Variants in TMEM200C observed in about 807,000 individuals in gnomAD.
TMEM200C encodes transmembrane protein TTMA.
For synonymous variants in TMEM200C, 462 were observed against 324.7 expected, an observed-to-expected ratio of 1.42 and a Z score of -4.55; for missense variants, 966 against 699.9, an observed-to-expected ratio of 1.38 and a Z score of -4.29.
exon 3 of TMEM200C, chr18:5,883,065 A>C (rs2095162902): frequency 6.6e-6 from 1 of 152,108 alleles, no homozygotes; most frequent in Admixed American, 6.6e-5. Context: ...TTACCAATAG[A>C]TATAACCTTA....
exon 3 of TMEM200C, chr18:5,885,496 T>G (rs1297965316): frequency 6.6e-6 from 1 of 152,202 alleles, no homozygotes; most frequent in Non-Finnish European, 1.5e-5. Context: ...GTGGTGGAAA[T>G]CCTGAAATGC....
chr18:5,885,192 G>A (rs1277958161), exon 3 of TMEM200C: 1 of 151,446 alleles, frequency 6.6e-6, no homozygotes, highest in Admixed American at 6.6e-5. Context: ...TTTTCTTTCG[G>A]CAGGATGCTC....
intron 1 of TMEM200C, chr18:5,895,489 C>A (rs1179766662): frequency 6.7e-6 from 1 of 149,460 alleles, no homozygotes; most frequent in Non-Finnish European, 1.5e-5. Flanking sequence ...TGCTAAGAGA[C>A]CGGAGCCATG....
rs910661776 is a variant in TMEM200C, at chr18:5,890,619, G to C, written c.1445C>G (p.Pro482Arg). ...CGGGGAGGGCGGGGGCTCGGGGGAC[G>C]GCGGCGCCCGGTAGTCCGGGAGCCC... Residue 482 changes from proline to arginine, a missense_variant, in exon 3 of 3, where the codon CCG (proline) becomes CGG (arginine). Physicochemically the swap from Pro to Arg is moderately radical, Grantham distance 103. Coordinates refer to ENST00000581347, the Ensembl canonical transcript of TMEM200C. The C allele has an allele frequency of 1.2e-5, 12 of 1,001,970 alleles. No homozygotes were observed. The East Asian group carries it at 2.9e-4, about 25-fold the overall frequency. 62.1% of individuals were successfully genotyped at this position (1,001,970 alleles called of 1,614,324 possible).
exon 3 of TMEM200C, chr18:5,892,041 A>C: frequency 1.9e-6 from 3 of 1,613,530 alleles, no homozygotes; most frequent in Non-Finnish European, 2.5e-6. Context: ...GGAAATCCTT[A>C]GCAGGCCGCC....
chr18:5,892,283 C>A, intron 2 of TMEM200C, 126 bp from the exon 2 acceptor site: 1 of 594,000 alleles, frequency 1.7e-6, no homozygotes, highest in Non-Finnish European at 3.0e-6. Flanking sequence ...TATCCACTAA[C>A]TGAAACAAGG....
At position 5,892,111 on chromosome 18, in the gene TMEM200C, C is replaced by T; in HGVS notation, c.-48G>A. On this transcript the variant is annotated 5_prime_UTR_variant, in exon 3 of 3. It adds an upstream start codon to the 5' untranslated region. Coordinates refer to ENST00000581347, the Ensembl canonical transcript of TMEM200C. ...CTAGCCTCTGGGATGGAGGCTTGCA[C>T]AGGGAGGGCGCCAACTGCCCACTAG... is the stretch of plus-strand genomic sequence containing the variant. 2 of 1,546,614 alleles carry T rather than the reference C, an allele frequency of 1.3e-6. No homozygotes were observed. Among genetic ancestry groups the T allele is most frequent in the Non-Finnish European group, 1.8e-6 (2 of 1,141,578 alleles).
rs2095169580 is a variant in TMEM200C, at chr18:5,890,691, AG to A, written c.1372del (p.Leu458CysfsTer97). 1 of 518,010 alleles carries A rather than the reference AG, an allele frequency of 1.9e-6. No individual in the cohort carries two copies. The highest frequency in any genetic ancestry group is 5.3e-5 in the South Asian group (1 of 18,794). 32.1% of individuals were successfully genotyped at this position (518,010 alleles called of 1,614,324 possible). A position where few individuals can be genotyped will look rare whatever the true frequency, so the allele number is the denominator to read the frequency against. On this transcript the variant is annotated frameshift_variant, in exon 3 of 3. Transcript: ENST00000581347. LOFTEE classifies it low-confidence loss of function (END_TRUNC). ...GGCCGCGTACCTGCCGGTCCTGGGC[AG>A]GCGGCCGCCCTGCCCCCTGGCGGCG...
intron 2 of TMEM200C, among the ~76,000 whole-genome samples, chr18:5,894,318 A>G (rs2095173920): frequency 6.6e-6 from 1 of 152,196 alleles, no homozygotes; most frequent in South Asian, 2.1e-4. Flanking sequence ...GCTAGTAATT[A>G]ACTCCCTCGT....
Position 5,890,716 on chromosome 18 carries a change from C to G in TMEM200C, c.1348G>C (p.Ala450Pro), listed in dbSNP as rs1171637781. The G allele has an allele frequency of 9.8e-6, 5 of 511,616 alleles. No individual in the cohort carries two copies. The East Asian group carries it at 1.4e-4, about 14-fold the overall frequency. The allele number at this position is 511,616 out of a possible 1,614,324, so 31.7% of individuals were successfully genotyped here. A position where few individuals can be genotyped will look rare whatever the true frequency, so the allele number is the denominator to read the frequency against. ...AGGCGGCCGCCCTGCCCCCTGGCGG[C>G]GCGCGCCGCTACCGCGCCCTCGGGC... The change falls in exon 3 of 3, where the codon GCC becomes CCC. Residue 450 changes from alanine (A) to proline (P), a missense_variant. Ala to Pro is a conservative substitution (Grantham distance 27). Coordinates refer to ENST00000581347, the Ensembl canonical transcript of TMEM200C.
chr18:5,890,164 T>C, exon 3 of TMEM200C: 7 of 1,487,920 alleles, frequency 4.7e-6, no homozygotes, highest in Non-Finnish European at 6.3e-6. Flanking sequence ...TTTCTCCCAT[T>C]TTCTCTTTCC....
At position 5,891,575 on chromosome 18, in the gene TMEM200C, G is replaced by A. The variant is rs766548528; in HGVS notation, c.489C>T (p.Asp163=). 6.6e-5 allele frequency: 106 copies of A among 1,613,842 alleles called. No homozygotes were observed. Among genetic ancestry groups the A allele is most frequent in the East Asian group, 8.9e-5 (4 of 44,850 alleles). ...TGAGGGGCCCGAAGACCTTGAGCTT[G>A]TCAGAGTGCAGGTAGCCAGAGAAGA... is the stretch of plus-strand genomic sequence containing the variant. Residue 163 remains aspartate, a synonymous_variant, in exon 3 of 3, where the codon GAC becomes GAT. Transcript: ENST00000581347. This position sits in a 1 kb window ranked among gnomAD's most constrained non-coding sequence, Gnocchi z 4.7.
chr18:5,895,684 C>G (rs1460081486), intron 1 of TMEM200C, among the ~76,000 whole-genome samples, 162 bp from the exon 1 acceptor site: 3 of 149,912 alleles, frequency 2.0e-5, no homozygotes, highest in Admixed American at 2.0e-4. Context: ...GCCGATTCCT[C>G]GGGGAGGAGG....
intron 2 of TMEM200C, among the ~76,000 whole-genome samples, chr18:5,893,818 A>C (rs1279181129): frequency 6.6e-6 from 1 of 152,232 alleles, no homozygotes; most frequent in African/African-American, 2.4e-5. Flanking sequence ...GCTGGGTTTC[A>C]GTAAAGAGAA....
rs765254754 is a variant in TMEM200C, at chr18:5,891,641, G to C, written c.423C>G (p.Ser141=). The C allele has an allele frequency of 6.8e-6, 11 of 1,613,682 alleles. No homozygotes were observed. Among genetic ancestry groups the C allele is most frequent in the Non-Finnish European group, 9.3e-6 (11 of 1,179,814 alleles). Reference sequence around the variant, plus strand: ...CCACGGACGTGGAGGAGGAGGACGGGGAGGCGGCTCGTGCTGGAGGCGTGC... The same window carrying C: ...CCACGGACGTGGAGGAGGAGGACGGCGAGGCGGCTCGTGCTGGAGGCGTGC... The change falls in exon 3 of 3, where the codon TCC becomes TCG. Residue 141 remains serine, a synonymous_variant. Transcript: ENST00000581347. The surrounding 1 kb of genome is among the most constrained non-coding windows in gnomAD (Gnocchi z 4.7).
At chr18:5,888,054 C>T (rs2095166736) in exon 3 of TMEM200C, 1 of 152,200 alleles carries the variant, frequency 6.6e-6, no homozygotes, top group African/African-American at 2.4e-5. Flanking sequence ...ATTTACAGTG[C>T]ATTCTCCGAG....
rs758553265 is a variant in TMEM200C at position 5,890,293 on chromosome 18, C to G, written c.1771G>C (p.Val591Leu). The stretch of plus-strand genomic sequence containing the variant: ...TCCTTGTTTGTAAACTGCCTCTGCA[C>G]CGGCTGAGGTTGCTCGGCCGTGGGT... The change falls in exon 3 of 3, where the codon GTG becomes CTG. Residue 591 changes from valine (V) to leucine (L), a missense_variant. Physicochemically the swap from Val to Leu is conservative, Grantham distance 32. Transcript: ENST00000581347. 8 of 1,599,546 alleles carry G rather than the reference C, an allele frequency of 5.0e-6. No homozygotes were observed. In the African/African-American group the frequency reaches 1.1e-4, roughly 21 times the overall value.
intron 2 of TMEM200C, among the ~76,000 whole-genome samples, chr18:5,893,056 G>C (rs2095172777): frequency 6.6e-6 from 1 of 152,032 alleles, no homozygotes; most frequent in Admixed American, 6.6e-5. Context: ...ATTTCATCAG[G>C]GAATTTGAGA....
In TMEM200C at chr18:5,891,377, GGCGGCGGCC is replaced by G. The variant is rs2095170828; in HGVS notation, c.678_686del (p.Ala228_Ala230del). 7 of 1,316,464 alleles carry G rather than the reference GGCGGCGGCC, an allele frequency of 5.3e-6. No homozygotes were observed. The highest frequency in any genetic ancestry group is 2.5e-4 in the Middle Eastern group (1 of 3,956). The allele number at this position is 1,316,464 out of a possible 1,614,324, so 81.5% of individuals were successfully genotyped here. A position where few individuals can be genotyped will look rare whatever the true frequency, so the allele number is the denominator to read the frequency against. On this transcript the variant is annotated inframe_deletion, in exon 3 of 3. Transcript: ENST00000581347. This position sits in a 1 kb window ranked among gnomAD's most constrained non-coding sequence, Gnocchi z 4.7. ...CGGGGGCAGACGACGACGAAGAGGC[GGCGGCGGCC>G]GCGGCGGCGGCCGCGGCGGCCGCCA...
Sources: gnomAD v4.1 joint callset for allele counts (sites outside exome capture counted in the v4.1 genomes callset) on GRCh38, gnomAD v4.1.1 for gene constraint, Gnocchi (gnomAD v3.1) non-coding constraint, MANE v1.5 for transcripts, NCBI Gene and HGNC (gene_info 2026-07-23, HGNC 2026-07-21) for gene names.